The following SNX15 variants were observed in gnomAD, a reference collection of about 807,000 sequenced individuals.
SNX15 encodes sorting nexin 15.
SNX15 carries 29 observed loss-of-function variants against 35.2 expected under a neutral mutation model. The ratio of observed to expected loss-of-function variants is 0.82; its 90% CI spans 0.61 to 1.12. The LOEUF (loss-of-function observed/expected upper bound fraction) is 1.12. Ranked by LOEUF, SNX15 falls within the 50% of genes most tolerant of loss-of-function variation. The pLI is 0.00. For synonymous variants in SNX15, 189 were observed against 188.2 expected (o/e 1.00, Z -0.03); for missense variants, 400 against 451.5 (o/e 0.89, Z 1.03).
At position 65,028,188 on chromosome 11, in the gene SNX15, A is replaced by G. The variant is rs183328975; in HGVS notation, c.99+552A>G. Reference sequence around the variant, plus strand: ...TGATATATGAAGCGATAACAACATCATAAGCACAATTTATAGAGAGACATG... The same window carrying G: ...TGATATATGAAGCGATAACAACATCGTAAGCACAATTTATAGAGAGACATG... On this transcript the variant is annotated intron_variant, in intron 1 of 7. Coordinates refer to ENST00000377244, the MANE Select transcript of SNX15 (RefSeq NM_013306.5). Among the ~76,000 whole-genome samples, 133 of 152,362 alleles carry G rather than the reference A, an allele frequency of 8.7e-4. 1 individual carries two copies. The highest frequency in any genetic ancestry group is 1.4e-3 in the Non-Finnish European group (94 of 68,040).
chr11:65,034,764 C>A, intron 3 of SNX15, 83 bp from the exon 4 acceptor site: 2 of 1,007,034 alleles, frequency 2.0e-6, no homozygotes, highest in Non-Finnish European at 3.0e-6. Flanking sequence ...GCATCTCAGG[C>A]AGGACCAGGA....
At position 65,038,798 on chromosome 11, in the gene SNX15, C is replaced by T. The variant is rs542175; in HGVS notation, c.891C>T (p.Asp297=). The T allele has an allele frequency of 0.096, 152,490 of 1,593,690 alleles. 9,113 individuals are homozygous for T. The highest frequency in any genetic ancestry group is 0.22 in the African/African-American group (16,449 of 74,698). ...AYAAALQGYR[D]GVHVLLQGVP... is the part of the protein sequence containing the mutation. ...CTGCTGCACTCCAGGGCTATCGAGA[C>T]GGCGTGCACGTCTTGCTTCAGGGAG... Residue 297 remains aspartate (D), a synonymous_variant, in exon 7 of 8, where the codon GAC becomes GAT. Coordinates refer to ENST00000377244, the MANE Select transcript of SNX15 (RefSeq NM_013306.5).
intron 1 of SNX15, among the ~76,000 whole-genome samples, chr11:65,027,855 G>T (rs925117164): frequency 6.6e-6 from 1 of 152,202 alleles, no homozygotes; most frequent in Non-Finnish European, 1.5e-5. Flanking sequence ...GTTGACGGCC[G>T]TTCCCGGACA....
chr11:65,039,029 CTTT>C lies in SNX15; in HGVS notation c.922+217_922+219del, dbSNP rs747153458. Among the ~76,000 whole-genome samples the C allele has an allele frequency of 1.8e-4, 13 of 72,504 alleles. 2 individuals are homozygous for C. The highest frequency in any genetic ancestry group is 3.3e-4 in the Admixed American group (2 of 6,004). The allele number at this position is 72,504 out of a possible 152,430, so 47.6% of individuals were successfully genotyped here. ...TTGTGGCCTCAGTTTTCTTCTTCCT[CTTT>C]TTTTTTTTTTTTTTTTGAGACAGAG... On this transcript the variant is annotated intron_variant, in intron 7 of 7. Transcript: ENST00000377244.
At position 65,027,549 on chromosome 11, in the gene SNX15, G is replaced by A. The variant is rs975799198; in HGVS notation, c.12G>A (p.Gln4=). 3.1e-6 allele frequency: 5 copies of A among 1,613,966 alleles called. No homozygotes were observed. The South Asian group carries it at 4.4e-5, about 14-fold the overall frequency. The change falls in exon 1 of 8, where the codon CAG becomes CAA. Residue 4 remains glutamine, a synonymous_variant. Transcript: ENST00000377244. ...TCCAGCTCGGTTTCATGTCCCGCCAGGCGAAGGATGACTTCCTGCGGCACT... is the reference window on the plus strand; with the variant it reads ...TCCAGCTCGGTTTCATGTCCCGCCAAGCGAAGGATGACTTCCTGCGGCACT... The part of the protein sequence containing the change: MSR[Q]AKDDFLRHYT...
At chr11:65,036,186 C>T (rs757081323) in intron 6 of SNX15, 6 of 152,584 alleles carry the variant, frequency 3.9e-5, no homozygotes, top group Non-Finnish European at 7.3e-5. Context: ...GGGTCCTGGG[C>T]ACCTTCTTGC....
intron 3 of SNX15, among the ~76,000 whole-genome samples, chr11:65,034,362 A>G (rs1946475197): frequency 6.6e-6 from 1 of 152,194 alleles, no homozygotes; most frequent in Non-Finnish European, 1.5e-5. Flanking sequence ...CAGAGGTTGC[A>G]GTGAGCTGAG....
At chr11:65,028,820 G>A (rs1446921493) in intron 1 of SNX15, among the ~76,000 whole-genome samples, 13 of 151,364 alleles carry the variant, frequency 8.6e-5, no homozygotes, top group African/African-American at 2.2e-4. Flanking sequence ...GTGGCCGGGC[G>A]CGGTGGCTCA....
At chr11:65,032,264 G>A in intron 2 of SNX15, 61 bp downstream of exon 2, 1 of 1,588,570 alleles carries the variant, frequency 6.3e-7, no homozygotes. Context: ...ACTGTCAAGG[G>A]GCAGCTGGTA....
At chr11:65,038,362 G>A (rs1946527157) in intron 6 of SNX15, 1 of 1,178,670 alleles carries the variant, frequency 8.5e-7, no homozygotes, top group African/African-American at 1.6e-5. Context: ...AGGAAGGTAA[G>A]GCTGTTTTTA....
chr11:65,032,050 C>G (rs1445219613), intron 1 of SNX15, 118 bp from the exon 2 acceptor site: 4 of 955,612 alleles, frequency 4.2e-6, no homozygotes, highest in Non-Finnish European at 6.5e-6. Context: ...TGCCAGAGGC[C>G]AATGGCCAAA....
rs1186275294 is a variant in SNX15, at chr11:65,034,856, A to T, written c.266A>T (p.Glu89Val). The change falls in exon 4 of 8, where the codon GAA becomes GTA. Residue 89 changes from glutamate (E) to valine (V), a missense_variant. Physicochemically the swap from Glu to Val is moderately radical, Grantham distance 121 (BLOSUM62 -2). Coordinates refer to ENST00000377244, the MANE Select transcript of SNX15 (RefSeq NM_013306.5). The part of the protein sequence containing the change: ...FPRAQVFGRF[E>V]ASVIEERRKG... Reference sequence around the variant, plus strand: ...GTCCTGGGGGCCGTAGGCCGGTTTGAAGCCTCAGTGATCGAGGAGCGGCGA... The same window carrying T: ...GTCCTGGGGGCCGTAGGCCGGTTTGTAGCCTCAGTGATCGAGGAGCGGCGA... 1 of 1,613,808 alleles carries T rather than the reference A, an allele frequency of 6.2e-7. No individual in the cohort carries two copies.
In SNX15 at chr11:65,035,683, G is replaced by A. The variant is rs369117813; in HGVS notation, c.664+20G>A. ...AGGAAGGTAATGAGCTGGGACAGCCGGGAAGGAGCCAGGGCAGGACGTCCT... is the reference window on the plus strand; with the variant it reads ...AGGAAGGTAATGAGCTGGGACAGCCAGGAAGGAGCCAGGGCAGGACGTCCT... On this transcript the variant is annotated intron_variant, in intron 6 of 7. Coordinates refer to ENST00000377244, the MANE Select transcript of SNX15 (RefSeq NM_013306.5). 49 of 1,587,842 alleles carry A rather than the reference G, an allele frequency of 3.1e-5. No homozygotes were observed. The highest frequency in any genetic ancestry group is 1.1e-4 in the East Asian group (5 of 44,648).
At chr11:65,032,089 G>A in intron 1 of SNX15, 79 bp from the exon 2 acceptor site, 1 of 1,411,434 alleles carries the variant, frequency 7.1e-7, no homozygotes, top group Non-Finnish European at 1.0e-6. Flanking sequence ...GGGACTAGGA[G>A]GCACCTGGGG....
chr11:65,036,019 A>C (rs188448420), intron 6 of SNX15: 23 of 194,058 alleles, frequency 1.2e-4, no homozygotes. Context: ...CTGACTGGCC[A>C]GGGTCTGGCT....
intron 1 of SNX15, among the ~76,000 whole-genome samples, chr11:65,029,921 C>T (rs1946422257): frequency 6.6e-6 from 1 of 152,104 alleles, no homozygotes; most frequent in Non-Finnish European, 1.5e-5. Context: ...GGGTCTTGCT[C>T]TGTCACCCAC....
intron 6 of SNX15, chr11:65,037,664 TCAC>T (rs907363770): frequency 4.6e-5 from 7 of 152,274 alleles, no homozygotes; most frequent in African/African-American, 1.7e-4. Context: ...AACAAGCCTC[TCAC>T]CACCAGAATT....
rs76150557 is a variant in SNX15 at position 65,039,839 on chromosome 11, C to T, written c.*47C>T. 1,058 of 1,308,110 alleles carry T rather than the reference C, an allele frequency of 8.1e-4. 4 individuals carry two copies. The African/African-American group carries it at 0.011, about 14-fold the overall frequency. 81.0% of individuals were successfully genotyped at this position (1,308,110 alleles called of 1,614,324 possible). A position where few individuals can be genotyped will look rare whatever the true frequency, so the allele number is the denominator to read the frequency against. On this transcript the variant is annotated 3_prime_UTR_variant, in exon 8 of 8. Transcript: ENST00000377244. ...GGACTCTCGCTCCTGCACTGCCAGC[C>T]CCTTCTCCTCTCCCCAGGGCCTGGC...
At chr11:65,028,988 G>A (rs1946407369) in intron 1 of SNX15, among the ~76,000 whole-genome samples, 1 of 152,056 alleles carries the variant, frequency 6.6e-6, no homozygotes, top group Non-Finnish European at 1.5e-5. Context: ...GTACTCGGGA[G>A]GCTGAGGTAG....
Sources: allele counts gnomAD v4.1 joint callset (sites outside exome capture counted in the v4.1 genomes callset), GRCh38; gene constraint gnomAD v4.1.1; transcripts MANE v1.5; gene names NCBI Gene and HGNC (gene_info 2026-07-23, HGNC 2026-07-21).